AKT3: variants seen among roughly 807,000 people sequenced by gnomAD.
The protein encoded by AKT3 is RAC-gamma serine/threonine-protein kinase.
Under a neutral mutation model 65.3 loss-of-function variants are expected in AKT3, and 15 were observed. The ratio of observed to expected loss-of-function variants is 0.23; its 90% CI spans 0.15 to 0.35. The LOEUF (loss-of-function observed/expected upper bound fraction) is 0.35, where lower values mean the gene tolerates loss of function less well. Ranked by LOEUF, AKT3 falls within the 10% of genes least tolerant of loss-of-function variation. The pLI, the probability that AKT3 is intolerant of heterozygous loss-of-function variation, is 1.00. For missense variants in AKT3, 243 were observed against 576.5 expected (o/e 0.42, Z 5.92); for synonymous variants, 206 against 183.8 (o/e 1.12, Z -0.98).
At chr1:243,630,353 T>G (rs1294218942) in intron 6 of AKT3, among the ~76,000 whole-genome samples, 1 of 152,160 alleles carries the variant, frequency 6.6e-6, no homozygotes, top group Non-Finnish European at 1.5e-5. Flanking sequence ...TAATCCACCC[T>G]GGGGCAAAAT....
chr1:243,845,903 G>T (rs1012683694), intron 1 of AKT3, among the ~76,000 whole-genome samples: 3 of 152,134 alleles, frequency 2.0e-5, no homozygotes, highest in African/African-American at 7.2e-5. Flanking sequence ...CCCACCCAGA[G>T]TGATGCTGTA....
At chr1:243,798,649 C>T (rs1309172408) in intron 2 of AKT3, among the ~76,000 whole-genome samples, 1 of 152,224 alleles carries the variant, frequency 6.6e-6, no homozygotes, top group Middle Eastern at 3.4e-3. Context: ...CACTCCTAGA[C>T]AGCAAACAAA....
intron 2 of AKT3, among the ~76,000 whole-genome samples, chr1:243,745,650 C>T (rs899075928): frequency 6.6e-6 from 1 of 152,136 alleles, no homozygotes; most frequent in African/African-American, 2.4e-5. Context: ...TTTGAATGCG[C>T]CTCAACACAA....
intron 2 of AKT3, among the ~76,000 whole-genome samples, chr1:243,817,068 G>T (rs1693570061): frequency 6.6e-6 from 1 of 152,150 alleles, no homozygotes; most frequent in African/African-American, 2.4e-5. Context: ...AGTAATCCAG[G>T]ATGACCTGCT....
At chr1:243,728,119 C>T (rs1307142585) in intron 2 of AKT3, among the ~76,000 whole-genome samples, 4 of 152,194 alleles carry the variant, frequency 2.6e-5, no homozygotes, top group African/African-American at 9.6e-5. Flanking sequence ...GAGAGCCTCA[C>T]CCTGGCAAAC....
intron 11 of AKT3, among the ~76,000 whole-genome samples, chr1:243,547,606 G>C (rs1273907190): frequency 2.6e-5 from 4 of 152,116 alleles, no homozygotes; most frequent in Non-Finnish European, 5.9e-5. Context: ...ATTAGTTGAG[G>C]AGCATACTAA....
intron 12 of AKT3, among the ~76,000 whole-genome samples, chr1:243,526,302 T>TA (rs1015376612): frequency 6.6e-6 from 1 of 152,114 alleles, no homozygotes; most frequent in African/African-American, 2.4e-5. Context: ...GGTGTGGATA[T>TA]CCTGCAAAAG....
At chr1:243,645,788 C>A (rs1680764149) in intron 5 of AKT3, 105 bp downstream of exon 5, 2 of 1,146,766 alleles carry the variant, frequency 1.7e-6, no homozygotes, top group East Asian at 2.5e-5. Context: ...AATATATTTA[C>A]ATATCGTAAG....
At chr1:243,806,759 T>G (rs1692753169) in intron 2 of AKT3, among the ~76,000 whole-genome samples, 1 of 152,206 alleles carries the variant, frequency 6.6e-6, no homozygotes, top group Non-Finnish European at 1.5e-5. Context: ...AATCAGTTTT[T>G]CAAAATTACT....
chr1:243,671,845 C>T (rs1436937175), intron 3 of AKT3, among the ~76,000 whole-genome samples: 4 of 152,196 alleles, frequency 2.6e-5, no homozygotes, highest in Non-Finnish European at 5.9e-5. Flanking sequence ...AACTGTGAGT[C>T]ATTATATAAG....
At chr1:243,847,764 C>G (rs1695579520) in intron 1 of AKT3, among the ~76,000 whole-genome samples, 1 of 151,990 alleles carries the variant, frequency 6.6e-6, no homozygotes, top group Non-Finnish European at 1.5e-5. Context: ...TTAATTAAAC[C>G]AGCACACAGT....
intron 2 of AKT3, among the ~76,000 whole-genome samples, chr1:243,742,402 A>G (rs1187384274): frequency 6.6e-6 from 1 of 152,224 alleles, no homozygotes; most frequent in East Asian, 1.9e-4. Flanking sequence ...GAGGCAGGCG[A>G]TCACCTAAGG....
chr1:243,649,765 A>G (rs1451748956), intron 4 of AKT3, among the ~76,000 whole-genome samples: 1 of 152,150 alleles, frequency 6.6e-6, no homozygotes, highest in Admixed American at 6.5e-5. Context: ...ATGGCTGCAT[A>G]GTATTCCATG....
intron 2 of AKT3, among the ~76,000 whole-genome samples, chr1:243,807,225 C>G (rs1180587613): frequency 6.6e-6 from 1 of 152,202 alleles, no homozygotes; most frequent in Non-Finnish European, 1.5e-5. Context: ...TGAGCCAAAG[C>G]AGGGTGAGGC....
At chr1:243,608,609 C>T (rs1677615548) in intron 8 of AKT3, among the ~76,000 whole-genome samples, 1 of 152,064 alleles carries the variant, frequency 6.6e-6, no homozygotes, top group Non-Finnish European at 1.5e-5. Flanking sequence ...ACCCCACTGG[C>T]TGAGTCTTGG....
At chr1:243,739,251 A>G (rs1424949601) in intron 2 of AKT3, among the ~76,000 whole-genome samples, 1 of 152,218 alleles carries the variant, frequency 6.6e-6, no homozygotes, top group East Asian at 1.9e-4. Flanking sequence ...TTAACCAAGT[A>G]TATCCAAAAT....
chr1:243,650,384 T>C (rs1681216614), intron 4 of AKT3, among the ~76,000 whole-genome samples: 1 of 152,254 alleles, frequency 6.6e-6, no homozygotes, highest in Non-Finnish European at 1.5e-5. Context: ...ATAGTTTCTT[T>C]TGCTGTGCAG....
chr1:243,649,311 ATATG>A (rs1456703900), intron 4 of AKT3, among the ~76,000 whole-genome samples: 1 of 58,352 alleles, frequency 1.7e-5, no homozygotes, highest in East Asian at 4.1e-4. Flanking sequence ...TGTTATGTGT[ATATG>A]TGTGTGTGTG....
At chr1:243,833,816 T>C (rs1266784078) in intron 2 of AKT3, among the ~76,000 whole-genome samples, 1 of 150,442 alleles carries the variant, frequency 6.6e-6, no homozygotes, top group African/African-American at 2.4e-5. Flanking sequence ...TCCTAGCACT[T>C]TGGGAGGAAA....
Sources: allele counts gnomAD v4.1 joint callset (sites outside exome capture counted in the v4.1 genomes callset), GRCh38; gene constraint gnomAD v4.1.1; transcripts MANE v1.5; gene names NCBI Gene and HGNC (gene_info 2026-07-23, HGNC 2026-07-21).